The following XPO6 variants were observed in gnomAD, a reference collection of about 807,000 sequenced individuals.
The protein encoded by XPO6 is exportin-6.
A neutral mutation model predicts 130.0 loss-of-function variants in XPO6; 3 were observed. The observed-to-expected ratio is 0.02, with a 90% confidence interval of 0.01 to 0.06. The LOEUF is 0.06. XPO6 is among the 10% of genes least tolerant of loss of function. The pLI, the probability that XPO6 is intolerant of heterozygous loss-of-function variation, is 1.00. For synonymous variants in XPO6, 524 were observed against 548.9 expected, an observed-to-expected ratio of 0.95 and a Z score of 0.63; for missense variants, 970 against 1,393.0, an observed-to-expected ratio of 0.70 and a Z score of 4.83.
intron 2 of XPO6, among the ~76,000 whole-genome samples, chr16:28,178,476 G>C (rs1040242309): frequency 6.6e-6 from 1 of 152,000 alleles, no homozygotes; most frequent in African/African-American, 2.4e-5. Flanking sequence ...GGCTGAGGCA[G>C]GAGGAGACCT....
In XPO6 at chr16:28,152,779, G is replaced by C. The variant is rs777809094; in HGVS notation, c.1104C>G (p.Ile368Met). The C allele has an allele frequency of 6.2e-7, 1 of 1,612,302 alleles. No homozygotes were observed. The highest frequency in any genetic ancestry group is 2.2e-5 in the East Asian group (1 of 44,808). Residue 368 changes from isoleucine (I) to methionine (M), a missense_variant, in exon 8 of 24, where the codon ATC becomes ATG. By Grantham distance (10) the Ile-to-Met change is conservative (BLOSUM62 1). This residue lies in a region of XPO6 where 936 missense variants were observed against 1,306.8 expected (regional missense o/e 0.72). Transcript: ENST00000304658. ...SRLEELDESY[I>M]EKFTDFLRLF... ...GCCGAAGAAAGTCAGTAAACTTCTCGATATAGCTAAATGAGACAAGACAAA... is the reference window on the plus strand; with the variant it reads ...GCCGAAGAAAGTCAGTAAACTTCTCCATATAGCTAAATGAGACAAGACAAA...
intron 8 of XPO6, among the ~76,000 whole-genome samples, chr16:28,151,646 T>G (rs2043092228): frequency 6.6e-6 from 1 of 152,194 alleles, no homozygotes. Flanking sequence ...GTTACATGCA[T>G]ATGTCAATTT....
At chr16:28,179,759 C>A (rs563872247) in intron 2 of XPO6, among the ~76,000 whole-genome samples, 2 of 152,152 alleles carry the variant, frequency 1.3e-5, no homozygotes, top group African/African-American at 2.4e-5. Context: ...AATAAGTAGT[C>A]CAAGTCCACA....
intron 12 of XPO6, among the ~76,000 whole-genome samples, chr16:28,126,211 A>G (rs2087404927): frequency 6.6e-6 from 1 of 152,236 alleles, no homozygotes; most frequent in African/African-American, 2.4e-5. Flanking sequence ...GCACTTGCCA[A>G]GCACGTGTCA....
At chr16:28,155,674 T>C (rs1238515775) in intron 7 of XPO6, 2 of 169,144 alleles carry the variant, frequency 1.2e-5, no homozygotes, top group Non-Finnish European at 2.6e-5. Flanking sequence ...TGACACCAAG[T>C]GACAAAAGGC....
At chr16:28,141,292 T>TCTA (rs1280742800) in intron 9 of XPO6, among the ~76,000 whole-genome samples, 4 of 152,238 alleles carry the variant, frequency 2.6e-5, no homozygotes, top group Non-Finnish European at 5.9e-5. Flanking sequence ...GACTTTAGGT[T>TCTA]GCTTCACACA....
chr16:28,181,098 C>G, intron 1 of XPO6, 67 bp from the exon 2 acceptor site: 3 of 1,246,830 alleles, frequency 2.4e-6, no homozygotes, highest in Non-Finnish European at 3.4e-6. Flanking sequence ...TCAGTTCCTT[C>G]TAGGTCACAT....
chr16:28,199,271 T>G (rs569225606), intron 1 of XPO6, among the ~76,000 whole-genome samples: 1 of 152,332 alleles, frequency 6.6e-6, no homozygotes, highest in East Asian at 1.9e-4. Context: ...AAATCCTTGA[T>G]AGATCACTCA....
chr16:28,205,909 G>A (rs752019318), intron 1 of XPO6, among the ~76,000 whole-genome samples: 5 of 151,620 alleles, frequency 3.3e-5, no homozygotes, highest in East Asian at 1.9e-4. Context: ...ATGGTGGTGC[G>A]CACCTGTAGT....
At chr16:28,142,573 GTTTTA>G (rs1370090738) in intron 9 of XPO6, among the ~76,000 whole-genome samples, 1 of 151,908 alleles carries the variant, frequency 6.6e-6, no homozygotes, top group Admixed American at 6.6e-5. Context: ...TGTTGTTGTT[GTTTTA>G]TTTTATTTTA....
Position 28,098,161 on chromosome 16 carries a change from C to A in XPO6, c.*377G>T. ...AGAAGTGCCAGAGCAGTTCCAACGT[C>A]ACATCTCTCCTTGGCTGGAATGGTG... On this transcript the variant is annotated 3_prime_UTR_variant, in exon 24 of 24. Transcript: ENST00000304658. The A allele has an allele frequency of 5.6e-6, 1 of 178,560 alleles. No individual in the cohort carries two copies. Among genetic ancestry groups the A allele is most frequent in the Non-Finnish European group, 1.2e-5 (1 of 85,184 alleles). 11.1% of individuals were successfully genotyped at this position (178,560 alleles called of 1,614,324 possible).
At chr16:28,125,987 T>G in intron 12 of XPO6, 139 bp from the exon 13 acceptor site, 1 of 1,033,008 alleles carries the variant, frequency 9.7e-7, no homozygotes, top group Non-Finnish European at 1.4e-6. Flanking sequence ...CACGGGCTGC[T>G]TCCCAGTACT....
intron 5 of XPO6, chr16:28,166,855 C>A: frequency 8.2e-6 from 8 of 978,638 alleles, no homozygotes; most frequent in Non-Finnish European, 9.7e-6. Context: ...TTGCTGCATG[C>A]ACTCACTGGT....
Position 28,188,851 on chromosome 16 carries a change from G to C in XPO6, c.4-7820C>G, listed in dbSNP as rs147587260. ...CTCAAAAAGCCAGAAAGCTAGAAAA[G>C]TGCATCAAGGAAGCCCCAGTCAGGA... On this transcript the variant is annotated intron_variant, in intron 1 of 23. Transcript: ENST00000304658. Among the ~76,000 whole-genome samples the C allele has an allele frequency of 7.9e-5, 12 of 152,202 alleles. No individual in the cohort carries two copies. The East Asian group carries it at 2.3e-3, about 29-fold the overall frequency.
intron 1 of XPO6, among the ~76,000 whole-genome samples, chr16:28,197,671 C>G (rs1181219432): frequency 6.6e-6 from 1 of 151,966 alleles, no homozygotes; most frequent in African/African-American, 2.4e-5. Context: ...AATCCCAGCA[C>G]TTTGCGAGGC....
chr16:28,190,868 A>G (rs1210825800), intron 1 of XPO6, among the ~76,000 whole-genome samples: 3 of 149,182 alleles, frequency 2.0e-5, no homozygotes, highest in Non-Finnish European at 3.0e-5. Flanking sequence ...ACATGCATAT[A>G]TGTCTATATA....
intron 1 of XPO6, among the ~76,000 whole-genome samples, chr16:28,186,393 C>CTTTTTTTTTTTTTTTTTTTTTT: frequency 1.4e-3 from 6 of 4,236 alleles, no homozygotes; most frequent in Non-Finnish European, 2.5e-3. Flanking sequence ...TTTTTTTTTG[C>CTTTTTTTTTTTTTTTTTTTTTT]TAAAGACATG....
intron 6 of XPO6, among the ~76,000 whole-genome samples, chr16:28,159,763 CAT>C (rs2043242253): frequency 6.6e-6 from 1 of 152,264 alleles, no homozygotes; most frequent in African/African-American, 2.4e-5. Flanking sequence ...AAAATTCAAA[CAT>C]GTAGTACAAA....
chr16:28,178,405 A>C (rs913629411), intron 2 of XPO6, among the ~76,000 whole-genome samples: 3 of 151,702 alleles, frequency 2.0e-5, no homozygotes, highest in Non-Finnish European at 4.4e-5. Context: ...CTGTCTCTAC[A>C]AAACAATGAA....
Sources: allele counts gnomAD v4.1 joint callset (sites outside exome capture counted in the v4.1 genomes callset), GRCh38; gene constraint gnomAD v4.1.1; regional missense constraint gnomAD v4.1.1; transcripts MANE v1.5; gene names NCBI Gene and HGNC (gene_info 2026-07-23, HGNC 2026-07-21).